The following TMEM236 variants were observed in gnomAD, a reference collection of about 807,000 sequenced individuals.
TMEM236 encodes the protein family with sequence similarity 23, member A.
A neutral mutation model predicts 14.7 loss-of-function variants in TMEM236; 11 were observed. The observed-to-expected ratio is 0.75, with a 90% CI of 0.47 to 1.24. The LOEUF is 1.24. Among genes scored for constraint, TMEM236 ranks in the 50% most tolerant of loss-of-function variants. The probability of loss-of-function intolerance (pLI) is 0.00; values close to 1 mark genes in which losing one functional copy is unlikely to be tolerated. For synonymous variants in TMEM236, 182 were observed against 168.6 expected (o/e 1.08, Z -0.62); for missense variants, 464 against 427.3 (o/e 1.09, Z -0.76).
chr10:17,761,921 T>C (rs1269652005), intron 1 of TMEM236, among the ~76,000 whole-genome samples: 5 of 152,164 alleles, frequency 3.3e-5, no homozygotes, highest in African/African-American at 1.2e-4. Context: ...CAGCCTTCTT[T>C]ATTACCTTGT....
In TMEM236 at chr10:17,795,979, G is replaced by C; in HGVS notation, c.531G>C (p.Glu177Asp). 2 of 1,613,920 alleles carry C rather than the reference G, an allele frequency of 1.2e-6. No individual in the cohort carries two copies. The highest frequency in any genetic ancestry group is 1.7e-6 in the Non-Finnish European group (2 of 1,179,864). The change falls in exon 4 of 4, where the codon GAG becomes GAC. Residue 177 changes from glutamate (E) to aspartate (D), a missense_variant. Transcript: ENST00000377495. Reference protein sequence around the residue: ...TSLQHIKTVTEQVRQSPENAA... With the variant: ...TSLQHIKTVTDQVRQSPENAA... ...TGCAACACATAAAAACTGTGACGGA[G>C]CAAGTGAGGCAAAGTCCAGAAAACG...
intron 3 of TMEM236, among the ~76,000 whole-genome samples, chr10:17,783,989 G>A (rs1837795731): frequency 6.6e-6 from 1 of 151,380 alleles, no homozygotes. Context: ...TAAATAGTAA[G>A]GCTGTTAAGT....
chr10:17,768,760 T>TGTGTGC (rs1406545867), intron 1 of TMEM236, among the ~76,000 whole-genome samples: 26 of 151,350 alleles, frequency 1.7e-4, no homozygotes, highest in Non-Finnish European at 2.8e-4. Flanking sequence ...TGTGTGTGTG[T>TGTGTGC]GCCTGTATGT....
intron 2 of TMEM236, among the ~76,000 whole-genome samples, chr10:17,775,592 A>G (rs1345022976): frequency 6.6e-6 from 1 of 152,218 alleles, no homozygotes; most frequent in Non-Finnish European, 1.5e-5. Context: ...GCTTTTTGTA[A>G]ACATTTTAAG....
At position 17,796,122 on chromosome 10, in the gene TMEM236, T is replaced by C; in HGVS notation, c.674T>C (p.Leu225Pro). 1 of 1,613,898 alleles carries C rather than the reference T, an allele frequency of 6.2e-7. No homozygotes were observed. The highest frequency in any genetic ancestry group is 8.5e-7 in the Non-Finnish European group (1 of 1,179,848). The stretch of plus-strand genomic sequence containing the variant: ...GAGCCCTCCTGTGACTCCGGAATCC[T>C]GAGAATGATGTCCCGGCGAGATGTC... Reference protein sequence around the residue: ...PQEPSCDSGILRMMSRRDVRA... With the variant: ...PQEPSCDSGIPRMMSRRDVRA... Residue 225 changes from leucine to proline, a missense_variant, in exon 4 of 4, where the codon CTG becomes CCG. Physicochemically the swap from Leu to Pro is moderately conservative, Grantham distance 98. Transcript: ENST00000377495.
At position 17,796,596 on chromosome 10, in the gene TMEM236, A is replaced by G. The variant is rs1169122940; in HGVS notation, c.*92A>G. 1.9e-5 allele frequency: 22 copies of G among 1,144,122 alleles called. No homozygotes were observed. The highest frequency in any genetic ancestry group is 5.3e-5 in the South Asian group (4 of 75,398). The allele number at this position is 1,144,122 out of a possible 1,614,324, so 70.9% of individuals were successfully genotyped here. On this transcript the variant is annotated 3_prime_UTR_variant, in exon 4 of 4. Transcript: ENST00000377495. ...TTCTTGGGGCGTAGGTGTTTGCACTATAAAGGAAATGACTAGATTGTAGAG... is the reference window on the plus strand; with the variant it reads ...TTCTTGGGGCGTAGGTGTTTGCACTGTAAAGGAAATGACTAGATTGTAGAG...
chr10:17,795,654 A>T (rs1676815242), intron 3 of TMEM236, among the ~76,000 whole-genome samples: 2 of 152,202 alleles, frequency 1.3e-5, no homozygotes, highest in African/African-American at 4.8e-5. Context: ...GAGCATCAGG[A>T]TAAATAGCTA....
At position 17,759,035 on chromosome 10, in the gene TMEM236, A is replaced by AGG. The variant is rs1360963813; in HGVS notation, c.257+6484_257+6485dup. Among the ~76,000 whole-genome samples, 238 of 152,326 alleles carry AGG rather than the reference A, an allele frequency of 1.6e-3. No individual in the cohort carries two copies. The Middle Eastern group carries it at 0.017, about 11-fold the overall frequency. ...TTTCAGAGAGCTTAAAATGTACTGG[A>AGG]GGCTGAACTTTAATCCAGTACTTTC... On this transcript the variant is annotated intron_variant, in intron 1 of 3. Coordinates refer to ENST00000377495, the MANE Select transcript of TMEM236 (RefSeq NM_001098844.3).
At position 17,799,008 on chromosome 10, in the gene TMEM236, A is replaced by G; in HGVS notation, c.*2504A>G. 3.6e-6 allele frequency: 1 copy of G among 280,382 alleles called. No homozygotes were observed. Among genetic ancestry groups the G allele is most frequent in the East Asian group, 9.7e-5 (1 of 10,308 alleles). 17.4% of individuals were successfully genotyped at this position (280,382 alleles called of 1,614,324 possible). A position where few individuals can be genotyped will look rare whatever the true frequency, so the allele number is the denominator to read the frequency against. ...AAATAATACATACAATCTTAAGGTT[A>G]CTTCAGACTATACTTTTTCATCGAG... On this transcript the variant is annotated 3_prime_UTR_variant, in exon 4 of 4. Transcript: ENST00000377495.
Position 17,798,886 on chromosome 10 carries a change from A to G in TMEM236, c.*2382A>G. 2.9e-6 allele frequency: 1 copy of G among 342,666 alleles called. No individual in the cohort carries two copies. The highest frequency in any genetic ancestry group is 5.7e-6 in the Non-Finnish European group (1 of 173,930). The allele number at this position is 342,666 out of a possible 1,614,324, so 21.2% of individuals were successfully genotyped here. A position where few individuals can be genotyped will look rare whatever the true frequency, so the allele number is the denominator to read the frequency against. ...AACGGGTACCAAGTCTCCAAGAAAC[A>G]AGTATCTCAATGCAGTTTTAGAAAT... On this transcript the variant is annotated 3_prime_UTR_variant, in exon 4 of 4. Coordinates refer to ENST00000377495, the MANE Select transcript of TMEM236 (RefSeq NM_001098844.3).
intron 3 of TMEM236, among the ~76,000 whole-genome samples, chr10:17,777,481 C>G (rs1025267485): frequency 3.3e-5 from 5 of 151,718 alleles, no homozygotes; most frequent in African/African-American, 9.7e-5. Context: ...TCAATTTGAG[C>G]TGGGGTCTTG....
chr10:17,771,166 A>T (rs1837565240), intron 1 of TMEM236, 143 bp from the exon 2 acceptor site: 1 of 775,830 alleles, frequency 1.3e-6, no homozygotes, highest in South Asian at 1.5e-5. Flanking sequence ...ATATGCAAAC[A>T]TTTGGGAAAT....
intron 1 of TMEM236, among the ~76,000 whole-genome samples, chr10:17,760,942 C>T (rs1445575381): frequency 1.3e-5 from 2 of 152,190 alleles, no homozygotes; most frequent in South Asian, 4.1e-4. Context: ...CCTCCCATGA[C>T]ATGTGGGAAT....
Position 17,797,045 on chromosome 10 carries a change from G to A in TMEM236, c.*541G>A, listed in dbSNP as rs1016056842. 2,311 of 158,642 alleles carry A rather than the reference G, an allele frequency of 0.015. 57 individuals are homozygous for A. Among genetic ancestry groups the A allele is most frequent in the African/African-American group, 0.053 (2,189 of 41,494 alleles). 9.8% of individuals were successfully genotyped at this position (158,642 alleles called of 1,614,324 possible). A position where few individuals can be genotyped will look rare whatever the true frequency, so the allele number is the denominator to read the frequency against. On this transcript the variant is annotated 3_prime_UTR_variant, in exon 4 of 4. Transcript: ENST00000377495. ...AGAACCCAACCCCACCCCCAACCCT[G>A]GCTGTGGAAAAATTGTCTTCCACAA... is the stretch of plus-strand genomic sequence containing the variant.
intron 3 of TMEM236, among the ~76,000 whole-genome samples, chr10:17,782,400 C>T (rs4748419): frequency 0.52 from 75,472 of 145,710 alleles, 19,548 homozygotes; most frequent in Middle Eastern, 0.72. Flanking sequence ...TGCAACTCTT[C>T]TTTTTTTCTT....
intron 2 of TMEM236, among the ~76,000 whole-genome samples, chr10:17,771,885 A>G (rs1213386855): frequency 6.6e-6 from 1 of 150,982 alleles, no homozygotes; most frequent in African/African-American, 2.4e-5. Context: ...CAGGGCAGGA[A>G]TATCTTAGGC....
chr10:17,762,227 C>T lies in TMEM236; in HGVS notation c.258-9082C>T, dbSNP rs929057033. Among the ~76,000 whole-genome samples, 61 of 152,252 alleles carry T rather than the reference C, an allele frequency of 4.0e-4. 1 individual carries two copies. Among genetic ancestry groups the T allele is most frequent in the African/African-American group, 1.3e-3 (54 of 41,552 alleles). On this transcript the variant is annotated intron_variant, in intron 1 of 3. Coordinates refer to ENST00000377495, the MANE Select transcript of TMEM236 (RefSeq NM_001098844.3). ...TTCTGCCATCTCAACCACGCCACAT[C>T]TCAGTCTGCTAAGTTTTCTCTTCTC... is the stretch of plus-strand genomic sequence containing the variant.
At chr10:17,785,698 A>G (rs1040062327) in intron 3 of TMEM236, among the ~76,000 whole-genome samples, 38 of 152,138 alleles carry the variant, frequency 2.5e-4, no homozygotes, top group Non-Finnish European at 4.9e-4. Context: ...TTGTTTTGCA[A>G]TGTGCTCAGG....
At chr10:17,785,750 G>C (rs1236914237) in intron 3 of TMEM236, among the ~76,000 whole-genome samples, 1 of 152,010 alleles carries the variant, frequency 6.6e-6, no homozygotes, top group African/African-American at 2.4e-5. Context: ...CAACCGGGGG[G>C]GGATATTTCC....
Sources: gnomAD v4.1 joint callset for allele counts (sites outside exome capture counted in the v4.1 genomes callset) on GRCh38, gnomAD v4.1.1 for gene constraint, MANE v1.5 for transcripts, NCBI Gene and HGNC (gene_info 2026-07-23, HGNC 2026-07-21) for gene names.